The following HM13 variants were observed in gnomAD, a reference collection of about 807,000 sequenced individuals.
HM13 encodes histocompatibility minor 13.
A neutral mutation model predicts 50.0 loss-of-function variants in HM13; 18 were observed. That is an observed-to-expected ratio of 0.36 (90% confidence interval 0.25 to 0.53). The LOEUF is 0.53. HM13 is among the 20% of genes least tolerant of loss of function. HM13 has a pLI of 0.90. For synonymous variants in HM13, 197 were observed against 232.6 expected (o/e 0.85, Z 1.39); for missense variants, 393 against 552.4 (o/e 0.71, Z 2.89).
intron 3 of HM13, 184 bp downstream of exon 3, chr20:31,538,445 C>A: frequency 7.0e-7 from 1 of 1,434,208 alleles, no homozygotes. Flanking sequence ...CTCTCTGGGC[C>A]ACAGTTTCCT....
chr20:31,516,252 G>C (rs1981768718), intron 1 of HM13, among the ~76,000 whole-genome samples: 1 of 152,216 alleles, frequency 6.6e-6, no homozygotes, highest in Admixed American at 6.5e-5. Flanking sequence ...TAGGCAGCTT[G>C]ATCTGAGCTG....
intron 9 of HM13, among the ~76,000 whole-genome samples, chr20:31,560,750 C>T (rs1465738916): frequency 1.3e-5 from 2 of 152,244 alleles, no homozygotes; most frequent in East Asian, 3.8e-4. Flanking sequence ...AGCTGATTTC[C>T]AGAATCAGTG....
intron 3 of HM13, among the ~76,000 whole-genome samples, chr20:31,543,826 CG>C: frequency 6.6e-6 from 1 of 151,816 alleles, no homozygotes; most frequent in Admixed American, 6.6e-5. Context: ...CCCAGCTACT[CG>C]GGAGGCTGAG....
rs368753723 is a variant in HM13, at chr20:31,521,854, C to CTT, written c.184-5612_184-5611dup. ...ATCGTCAGATTTCAGGTCTCCCATTCTTTTTTTTTTTTTTTTTTTAATGGA... is the reference window on the plus strand; with the variant it reads ...ATCGTCAGATTTCAGGTCTCCCATTCTTTTTTTTTTTTTTTTTTTTTAATGGA... On this transcript the variant is annotated intron_variant, in intron 1 of 12. Coordinates refer to ENST00000398174, the MANE Select transcript of HM13 (RefSeq NM_178581.3). 8.4e-3 allele frequency among the ~76,000 whole-genome samples: 1,010 copies of CTT among 120,612 alleles called. 27 individuals carry two copies. The highest frequency in any genetic ancestry group is 0.029 in the African/African-American group (944 of 32,414). The allele number at this position is 120,612 out of a possible 152,430, so 79.1% of individuals were successfully genotyped here.
chr20:31,547,927 GCT>G (rs1983814875), intron 4 of HM13: 1 of 1,259,250 alleles, frequency 7.9e-7, no homozygotes, highest in Admixed American at 1.7e-5. Context: ...AAAACAGCAT[GCT>G]CTGTGTGTTG....
chr20:31,547,988 T>C (rs1983818601), intron 4 of HM13: 13 of 1,582,808 alleles, frequency 8.2e-6, no homozygotes, highest in East Asian at 2.2e-5. Flanking sequence ...AACAAAGGAA[T>C]TGGCATTGAA....
chr20:31,540,318 G>A (rs1007995382), intron 3 of HM13: 6 of 152,320 alleles, frequency 3.9e-5, no homozygotes, highest in African/African-American at 1.2e-4. Flanking sequence ...CTTTCGTGGT[G>A]GACCTGGGGT....
chr20:31,553,210 C>T (rs896552941), intron 7 of HM13, among the ~76,000 whole-genome samples: 3 of 149,562 alleles, frequency 2.0e-5, no homozygotes, highest in Admixed American at 1.3e-4. Context: ...GCAGGAGAAT[C>T]ACTTGAACCC....
chr20:31,542,449 G>C (rs970294764), intron 3 of HM13, among the ~76,000 whole-genome samples: 26 of 152,208 alleles, frequency 1.7e-4, no homozygotes, highest in African/African-American at 6.3e-4. Flanking sequence ...ACCAGGATGT[G>C]GCTTGTCAGT....
chr20:31,564,242 G>A (rs542229377), intron 10 of HM13, among the ~76,000 whole-genome samples: 148 of 152,104 alleles, frequency 9.7e-4, no homozygotes, highest in African/African-American at 3.4e-3. Context: ...CTGTGGGCCC[G>A]CCCTCACTGA....
At chr20:31,537,116 G>C (rs192311973) in intron 2 of HM13, among the ~76,000 whole-genome samples, 127 of 152,364 alleles carry the variant, frequency 8.3e-4, no homozygotes, top group African/African-American at 2.8e-3. Context: ...GGTTGAGTAA[G>C]GGTGGCCTCA....
At chr20:31,557,678 TGTTGACA>T in intron 8 of HM13, among the ~76,000 whole-genome samples, 1 of 151,886 alleles carries the variant, frequency 6.6e-6, no homozygotes. Context: ...ATTAATCATA[TGTTGACA>T]GTTGACAGGC....
chr20:31,544,883 G>A lies in HM13; in HGVS notation c.366-64G>A, dbSNP rs1011745461. On this transcript the variant is annotated intron_variant, in intron 3 of 12. Transcript: ENST00000398174. ...GGGTGCCAGCTGTAAATGGGGCAGG[G>A]GTGTGTTAAGGCTGACTGCCCATGG... The A allele has an allele frequency of 1.6e-5, 20 of 1,268,292 alleles. No homozygotes were observed. The South Asian group carries it at 2.4e-4, about 15-fold the overall frequency. 78.6% of individuals were successfully genotyped at this position (1,268,292 alleles called of 1,614,324 possible). A position where few individuals can be genotyped will look rare whatever the true frequency, so the allele number is the denominator to read the frequency against.
chr20:31,567,712 CACAG>C (rs755177062), intron 11 of HM13: 12 of 179,702 alleles, frequency 6.7e-5, no homozygotes, highest in Admixed American at 1.9e-4. Context: ...AGCAGTGTTA[CACAG>C]ACATTCAGAC....
Position 31,527,547 on chromosome 20 carries a change from AGCT to A in HM13, c.250_252del (p.Cys84del). ...TGCCGCCCGCTTCCCCATCATCGCCAGCTGCACACTCTTGGGGCTCTACCTCTT... is the reference window on the plus strand; with the variant it reads ...TGCCGCCCGCTTCCCCATCATCGCCAGCACACTCTTGGGGCTCTACCTCTT... On this transcript the variant is annotated inframe_deletion, in exon 2 of 13. Coordinates refer to ENST00000398174, the MANE Select transcript of HM13 (RefSeq NM_178581.3). The A allele has an allele frequency of 3.1e-6, 5 of 1,614,042 alleles. No homozygotes were observed. The highest frequency in any genetic ancestry group is 4.2e-6 in the Non-Finnish European group (5 of 1,179,922).
rs761126299 is a variant in HM13 at position 31,554,712 on chromosome 20, A to G, written c.725-34A>G. On this transcript the variant is annotated intron_variant, in intron 7 of 12. Coordinates refer to ENST00000398174, the MANE Select transcript of HM13 (RefSeq NM_178581.3). Reference sequence around the variant, plus strand: ...AAAAAAAAAATGTAAACTGGGCTCCAGCTGACTCCTCACATTCCCGCCTCC... The same window carrying G: ...AAAAAAAAAATGTAAACTGGGCTCCGGCTGACTCCTCACATTCCCGCCTCC... 7 of 1,567,500 alleles carry G rather than the reference A, an allele frequency of 4.5e-6. No homozygotes were observed. In the African/African-American group the frequency reaches 9.6e-5, roughly 21 times the overall value.
intron 2 of HM13, among the ~76,000 whole-genome samples, chr20:31,537,355 C>T (rs1983173694): frequency 6.6e-6 from 1 of 152,244 alleles, no homozygotes; most frequent in Non-Finnish European, 1.5e-5. Context: ...CAGAGGTTAG[C>T]TGCGGAGAGG....
chr20:31,530,735 A>G (rs975798787), intron 2 of HM13, among the ~76,000 whole-genome samples: 1 of 152,026 alleles, frequency 6.6e-6, no homozygotes, highest in Non-Finnish European at 1.5e-5. Flanking sequence ...ACAGCTGCTC[A>G]TGGTTCTGTT....
At chr20:31,565,445 C>T (rs969560808) in intron 10 of HM13, among the ~76,000 whole-genome samples, 11 of 150,646 alleles carry the variant, frequency 7.3e-5, no homozygotes, top group Middle Eastern at 3.4e-3. Context: ...CACCATTGCA[C>T]TCCAGCCTGG....
Sources: gnomAD v4.1 joint callset for allele counts (sites outside exome capture counted in the v4.1 genomes callset) on GRCh38, gnomAD v4.1.1 for gene constraint, MANE v1.5 for transcripts, NCBI Gene and HGNC (gene_info 2026-07-23, HGNC 2026-07-21) for gene names.